Variants in DLGAP2 observed in about 807,000 individuals in gnomAD.
DLGAP2 encodes the protein DLG associated protein 2.
A neutral mutation model predicts 100.3 loss-of-function variants in DLGAP2; 26 were observed. The ratio of observed to expected loss-of-function variants is 0.26; its 90% CI spans 0.19 to 0.36. The LOEUF (loss-of-function observed/expected upper bound fraction) is 0.36, where lower values mean the gene tolerates loss of function less well. Ranked by LOEUF, DLGAP2 falls within the 10% of genes least tolerant of loss-of-function variation. The pLI, the probability that DLGAP2 is intolerant of heterozygous loss-of-function variation, is 1.00. For synonymous variants in DLGAP2, 886 were observed against 630.1 expected (o/e 1.41, Z -6.08); for missense variants, 1,858 against 1,453.2 (o/e 1.28, Z -4.53).
At chr8:1,157,753 G>A (rs183861841) in intron 2 of DLGAP2, among the ~76,000 whole-genome samples, 39 of 152,310 alleles carry the variant, frequency 2.6e-4, no homozygotes, top group African/African-American at 8.7e-4. Context: ...CCACCTATGC[G>A]TGGAGCTTCG....
At chr8:983,450 A>G (rs1800397886) in intron 2 of DLGAP2, among the ~76,000 whole-genome samples, 1 of 152,002 alleles carries the variant, frequency 6.6e-6, no homozygotes, top group Admixed American at 6.6e-5. Context: ...CAGGTCGTCA[A>G]GATGTTCTTC....
At chr8:1,345,871 G>A (rs887575774) in intron 3 of DLGAP2, among the ~76,000 whole-genome samples, 3 of 152,304 alleles carry the variant, frequency 2.0e-5, no homozygotes, top group East Asian at 1.9e-4. Context: ...ATTATCGCTA[G>A]TGGTTGCCCT....
At chr8:1,441,798 TATTTA>T (rs937305342) in intron 3 of DLGAP2, among the ~76,000 whole-genome samples, 2 of 145,874 alleles carry the variant, frequency 1.4e-5, no homozygotes, top group African/African-American at 5.4e-5. Flanking sequence ...TTTTTTTTTT[TATTTA>T]ATTTAATTTA....
chr8:776,135 C>T (rs1320171455), intron 1 of DLGAP2, among the ~76,000 whole-genome samples: 4 of 150,934 alleles, frequency 2.7e-5, no homozygotes, highest in African/African-American at 4.8e-5. Flanking sequence ...AGTTTATTTG[C>T]ATAGAGGTGT....
intron 2 of DLGAP2, among the ~76,000 whole-genome samples, chr8:1,147,416 C>A (rs899639041): frequency 6.6e-6 from 1 of 152,002 alleles, no homozygotes; most frequent in Non-Finnish European, 1.5e-5. Flanking sequence ...ACATTTTAGA[C>A]TTTCTACATT....
At chr8:1,096,939 G>C (rs1427858484) in intron 2 of DLGAP2, among the ~76,000 whole-genome samples, 1 of 142,660 alleles carries the variant, frequency 7.0e-6, no homozygotes. Context: ...TGGGAGCCCG[G>C]GGCAGGCCTT....
At chr8:1,533,880 G>A (rs186013753) in intron 4 of DLGAP2, among the ~76,000 whole-genome samples, 12 of 152,254 alleles carry the variant, frequency 7.9e-5, no homozygotes, top group East Asian at 3.9e-4. Context: ...TTGCTTGAGC[G>A]GGAGTTTGAG....
At chr8:749,852 T>A (rs1045860578) in intron 1 of DLGAP2, among the ~76,000 whole-genome samples, 1 of 152,156 alleles carries the variant, frequency 6.6e-6, no homozygotes, top group Non-Finnish European at 1.5e-5. Flanking sequence ...TCCAGAGGTG[T>A]GGGGAGGGTC....
At chr8:746,694 T>G (rs1820625759) in intron 1 of DLGAP2, among the ~76,000 whole-genome samples, 1 of 152,238 alleles carries the variant, frequency 6.6e-6, no homozygotes, top group Non-Finnish European at 1.5e-5. Flanking sequence ...TTTTTTGCTG[T>G]ATCAGCATAC....
At chr8:1,213,651 C>T (rs1798153704) in intron 2 of DLGAP2, among the ~76,000 whole-genome samples, 1 of 152,150 alleles carries the variant, frequency 6.6e-6, no homozygotes, top group African/African-American at 2.4e-5. Flanking sequence ...CCGTCTTTCT[C>T]TGGGCTCTGA....
chr8:1,234,197 T>C (rs935627966), intron 2 of DLGAP2, among the ~76,000 whole-genome samples: 3 of 152,246 alleles, frequency 2.0e-5, no homozygotes, highest in Admixed American at 6.5e-5. Flanking sequence ...TCGTAGGTGG[T>C]GCACCTGTCT....
chr8:1,583,548 T>C (rs1052585318), intron 6 of DLGAP2, among the ~76,000 whole-genome samples: 4 of 152,162 alleles, frequency 2.6e-5, no homozygotes, highest in Admixed American at 1.3e-4. Context: ...TAAGAAGCCT[T>C]TCAAAGAAAT....
At chr8:1,219,910 G>C (rs1216083642) in intron 2 of DLGAP2, among the ~76,000 whole-genome samples, 1 of 151,874 alleles carries the variant, frequency 6.6e-6, no homozygotes, top group Non-Finnish European at 1.5e-5. Context: ...AGTGGTGTTA[G>C]TAATAGTCTC....
intron 2 of DLGAP2, among the ~76,000 whole-genome samples, chr8:1,132,674 C>T (rs557232108): frequency 1.3e-5 from 2 of 152,320 alleles, no homozygotes; most frequent in African/African-American, 4.8e-5. Context: ...GGCAAGGAGA[C>T]CAGGCAGCTG....
intron 2 of DLGAP2, among the ~76,000 whole-genome samples, chr8:1,107,238 A>G (rs1183155995): frequency 6.6e-6 from 1 of 152,164 alleles, no homozygotes; most frequent in Non-Finnish European, 1.5e-5. Context: ...TCATCTGTAA[A>G]ATGGAGACAA....
At chr8:981,204 A>C (rs1183606190) in intron 2 of DLGAP2, among the ~76,000 whole-genome samples, 1 of 152,146 alleles carries the variant, frequency 6.6e-6, no homozygotes, top group Non-Finnish European at 1.5e-5. Flanking sequence ...TATTTCACTT[A>C]GCATAGTGTT....
intron 2 of DLGAP2, among the ~76,000 whole-genome samples, chr8:996,345 G>C (rs190642266): frequency 7.9e-5 from 12 of 152,190 alleles, no homozygotes; most frequent in African/African-American, 2.7e-4. Flanking sequence ...GAGGGCCCCA[G>C]TGTCACCATG....
At chr8:1,031,050 G>A (rs927928265) in intron 2 of DLGAP2, among the ~76,000 whole-genome samples, 2 of 152,206 alleles carry the variant, frequency 1.3e-5, no homozygotes, top group African/African-American at 4.8e-5. Flanking sequence ...CGGGTCTTCT[G>A]CCTCCACTCT....
intron 3 of DLGAP2, among the ~76,000 whole-genome samples, chr8:1,496,439 G>A (rs1014920413): frequency 6.6e-6 from 1 of 152,204 alleles, no homozygotes; most frequent in Non-Finnish European, 1.5e-5. Context: ...CAGCCACCTG[G>A]GCCCGGGCCT....
Sources: gnomAD v4.1 joint callset for allele counts (sites outside exome capture counted in the v4.1 genomes callset) on GRCh38, gnomAD v4.1.1 for gene constraint, MANE v1.5 for transcripts, NCBI Gene and HGNC (gene_info 2026-07-23, HGNC 2026-07-21) for gene names.